Variants in SYNDIG1L observed in about 807,000 individuals in gnomAD.
SYNDIG1L encodes synapse differentiation-inducing gene protein 1-like.
In SYNDIG1L, 13 loss-of-function variants were observed where a neutral mutation model predicts 20.1. The ratio of observed to expected loss-of-function variants is 0.65; its 90% CI spans 0.42 to 1.03. The LOEUF is 1.03. Among genes scored for constraint, SYNDIG1L ranks in the 50% least tolerant of loss-of-function variants. SYNDIG1L has a pLI of 0.00. For synonymous variants in SYNDIG1L, 128 were observed against 129.3 expected (o/e 0.99, Z 0.07); for missense variants, 294 against 305.1 (o/e 0.96, Z 0.27).
At chr14:74,432,178 TGTGA>T in the SYNDIG1L span, among the ~76,000 whole-genome samples, 199 of 130,266 alleles carry the variant, frequency 1.5e-3, no homozygotes, top group African/African-American at 5.2e-3. Flanking sequence ...TGTGTGTGTG[TGTGA>T]GAGAGAGAGA....
the SYNDIG1L span, among the ~76,000 whole-genome samples, chr14:74,442,341 G>A: frequency 6.6e-6 from 1 of 152,128 alleles, no homozygotes; most frequent in Non-Finnish European, 1.5e-5. Context: ...AACTATTTCC[G>A]AGGAACCTGA....
the SYNDIG1L span, among the ~76,000 whole-genome samples, chr14:74,433,157 TG>T: frequency 4.0e-4 from 61 of 152,144 alleles, no homozygotes; most frequent in East Asian, 0.01. Flanking sequence ...GGAGATGCTG[TG>T]GGGGGCTGGT....
the SYNDIG1L span, chr14:74,474,138 A>G: frequency 2.6e-5 from 4 of 152,218 alleles, no homozygotes; most frequent in Non-Finnish European, 4.4e-5. Context: ...CTACACATGC[A>G]CATCCATTGT....
chr14:74,461,021 A>G, the SYNDIG1L span, among the ~76,000 whole-genome samples: 1 of 151,900 alleles, frequency 6.6e-6, no homozygotes, highest in Non-Finnish European at 1.5e-5. Context: ...CCCCTTTGGC[A>G]TAAGCCCCAG....
the SYNDIG1L span, among the ~76,000 whole-genome samples, chr14:74,457,043 C>G: frequency 3.9e-5 from 6 of 152,280 alleles, no homozygotes; most frequent in African/African-American, 1.4e-4. Flanking sequence ...GAGTGTTATC[C>G]GATGCATGCT....
chr14:74,433,293 A>G, the SYNDIG1L span, among the ~76,000 whole-genome samples: 1 of 152,198 alleles, frequency 6.6e-6, no homozygotes, highest in African/African-American at 2.4e-5. Context: ...TAAGTTCACT[A>G]CTGGGAAACC....
chr14:74,463,012 G>A, the SYNDIG1L span, among the ~76,000 whole-genome samples: 8 of 152,242 alleles, frequency 5.3e-5, no homozygotes, highest in East Asian at 1.4e-3. Context: ...CCAAGATGTC[G>A]GATCATGGGG....
At position 74,407,842 on chromosome 14, in the gene SYNDIG1L, C is replaced by A. The variant is rs1320382653; in HGVS notation, c.558+7G>T. ...AGAGAAGGGACCTGGGCCCCAGGTG[C>A]TCTTACCCCCTGGGAGAAGTAGAAG... On this transcript the variant is annotated splice_region_variant and intron_variant, in intron 3 of 3. Coordinates refer to ENST00000331628, the MANE Select transcript of SYNDIG1L (RefSeq NM_001105579.2). The A allele has an allele frequency of 1.6e-5, 25 of 1,609,562 alleles. No homozygotes were observed. The highest frequency in any genetic ancestry group is 2.0e-5 in the Non-Finnish European group (24 of 1,177,922).
intron 1 of SYNDIG1L, among the ~76,000 whole-genome samples, chr14:74,424,104 CT>C (rs2086246596): frequency 6.6e-6 from 1 of 152,118 alleles, no homozygotes; most frequent in African/African-American, 2.4e-5. Flanking sequence ...AGGTCATTAA[CT>C]TTGTTGTCAA....
chr14:74,472,004 C>T, the SYNDIG1L span: 1 of 152,272 alleles, frequency 6.6e-6, no homozygotes, highest in Non-Finnish European at 1.5e-5. Flanking sequence ...CCTCTTCTTC[C>T]CCAACCTCAT....
the SYNDIG1L span, among the ~76,000 whole-genome samples, chr14:74,468,827 G>A: frequency 6.6e-6 from 1 of 152,076 alleles, no homozygotes; most frequent in Non-Finnish European, 1.5e-5. Context: ...CACCCTCAAT[G>A]TCCTACCCTT....
At chr14:74,417,055 C>T (rs535905478) in intron 1 of SYNDIG1L, among the ~76,000 whole-genome samples, 34 of 152,300 alleles carry the variant, frequency 2.2e-4, no homozygotes, top group African/African-American at 6.7e-4. Context: ...GTTCTGAACG[C>T]CATGCCAAGT....
chr14:74,440,501 C>T, the SYNDIG1L span, among the ~76,000 whole-genome samples: 28 of 133,808 alleles, frequency 2.1e-4, no homozygotes, highest in Non-Finnish European at 7.6e-5. Flanking sequence ...GGCGACAGAG[C>T]GAGACTCCGT....
rs2086112937 is a variant in SYNDIG1L, at chr14:74,409,505, C to G, written c.240G>C (p.Lys80Asn). The change falls in exon 2 of 4, where the codon AAG becomes AAC. Residue 80 changes from lysine to asparagine, a missense_variant. Coordinates refer to ENST00000331628, the MANE Select transcript of SYNDIG1L (RefSeq NM_001105579.2). Reference protein sequence around the residue: ...PSCLLGRDKVKEPRAGSCETS... With the variant: ...PSCLLGRDKVNEPRAGSCETS... ...TCTCACAGCTGCCTGCCCTGGGCTC[C>G]TTGACCTTGTCTCTCCCCAGGAGGC... 1 of 1,609,790 alleles carries G rather than the reference C, an allele frequency of 6.2e-7. No individual in the cohort carries two copies. The highest frequency in any genetic ancestry group is 1.7e-5 in the Admixed American group (1 of 59,210).
chr14:74,421,639 G>GT (rs1389320463), intron 1 of SYNDIG1L, among the ~76,000 whole-genome samples: 1 of 152,222 alleles, frequency 6.6e-6, no homozygotes, highest in Admixed American at 6.5e-5. Flanking sequence ...TTTAAAGTGT[G>GT]TTAAAGAGTA....
the SYNDIG1L span, among the ~76,000 whole-genome samples, chr14:74,431,513 C>A: frequency 6.6e-6 from 1 of 152,044 alleles, no homozygotes; most frequent in Non-Finnish European, 1.5e-5. Context: ...ATCTTTTAAT[C>A]CTCAAAATAA....
At chr14:74,474,605 G>A in the SYNDIG1L span, 2 of 152,578 alleles carry the variant, frequency 1.3e-5, no homozygotes, top group Admixed American at 1.3e-4. Flanking sequence ...ACAGCAGCCA[G>A]GAGGGGAGGA....
At chr14:74,445,195 C>T in the SYNDIG1L span, among the ~76,000 whole-genome samples, 1 of 151,856 alleles carries the variant, frequency 6.6e-6, no homozygotes, top group Admixed American at 6.6e-5. Flanking sequence ...GTGATATGTG[C>T]GATTCTCTTC....
At chr14:74,442,502 A>C in the SYNDIG1L span, among the ~76,000 whole-genome samples, 1 of 152,236 alleles carries the variant, frequency 6.6e-6, no homozygotes, top group Admixed American at 6.5e-5. Context: ...AATAAAAGAA[A>C]ACATGTCACA....
Sources: allele counts gnomAD v4.1 joint callset (sites outside exome capture counted in the v4.1 genomes callset), GRCh38; gene constraint gnomAD v4.1.1; transcripts MANE v1.5; gene names NCBI Gene and HGNC (gene_info 2026-07-23, HGNC 2026-07-21).